SPDYE10: variants seen among roughly 807,000 people sequenced by gnomAD.
SPDYE10 encodes the protein speedy protein E10.
At chr7:73,117,576 TC>T in the SPDYE10 span, among the ~76,000 whole-genome samples, 2 of 114,638 alleles carry the variant, frequency 1.7e-5, no homozygotes, top group African/African-American at 7.5e-5. Flanking sequence ...TTTTACATTT[TC>T]TTTTTATGAC....
the SPDYE10 span, among the ~76,000 whole-genome samples, chr7:73,124,896 C>T: frequency 2.1e-5 from 3 of 143,848 alleles, no homozygotes; most frequent in South Asian, 2.2e-4. Flanking sequence ...TGCACTGCAG[C>T]CTGGGTAACA....
the SPDYE10 span, among the ~76,000 whole-genome samples, chr7:73,120,779 T>G: frequency 6.7e-6 from 1 of 148,884 alleles, no homozygotes; most frequent in Non-Finnish European, 1.5e-5. Context: ...CAGAGGGAGA[T>G]TCTGTCTCAA....
the SPDYE10 span, among the ~76,000 whole-genome samples, chr7:73,134,553 G>GAAAGAAAGAAAGAA: frequency 6.6e-6 from 1 of 152,026 alleles, no homozygotes; most frequent in Non-Finnish European, 1.5e-5. Context: ...AAGAAAGAAA[G>GAAAGAAAGAAAGAA]AAAGAAAGAA....
the SPDYE10 span, among the ~76,000 whole-genome samples, chr7:73,137,605 A>T: frequency 8.3e-6 from 1 of 120,226 alleles, no homozygotes; most frequent in East Asian, 2.4e-4. Flanking sequence ...AAAGAAAGAA[A>T]GAAAGAAAGA....
At chr7:73,141,293 C>T in the SPDYE10 span, among the ~76,000 whole-genome samples, 6 of 151,850 alleles carry the variant, frequency 4.0e-5, no homozygotes, top group South Asian at 2.1e-4. Context: ...GAGTCTGAGG[C>T]GGGCAGATCA....
At chr7:73,113,688 GT>G in the SPDYE10 span, among the ~76,000 whole-genome samples, 2 of 151,998 alleles carry the variant, frequency 1.3e-5, no homozygotes, top group African/African-American at 4.9e-5. Flanking sequence ...GAGGTCAGGA[GT>G]TTAAGAGCAG....
At chr7:73,132,494 C>A in the SPDYE10 span, among the ~76,000 whole-genome samples, 1 of 151,822 alleles carries the variant, frequency 6.6e-6, no homozygotes, top group Admixed American at 6.6e-5. Context: ...CTGCAGTGAA[C>A]TATGATCACA....
At chr7:73,114,221 G>A in the SPDYE10 span, among the ~76,000 whole-genome samples, 1 of 138,386 alleles carries the variant, frequency 7.2e-6, no homozygotes, top group African/African-American at 2.6e-5. Flanking sequence ...AAAAGAATAT[G>A]CCGCAGTGCA....
chr7:73,127,319 T>C, the SPDYE10 span, among the ~76,000 whole-genome samples: 1 of 86,810 alleles, frequency 1.2e-5, no homozygotes, highest in African/African-American at 4.6e-5. Context: ...GGGAGGCCGA[T>C]GTGGGCAGAT....
chr7:73,149,584 G>T, the SPDYE10 span, among the ~76,000 whole-genome samples: 1 of 152,184 alleles, frequency 6.6e-6, no homozygotes, highest in Admixed American at 6.5e-5. Context: ...ATTGTGCCCA[G>T]CCAACAGCTA....
the SPDYE10 span, chr7:73,154,887 GC>G: frequency 6.2e-6 from 1 of 160,658 alleles, no homozygotes; most frequent in African/African-American, 2.4e-5. Flanking sequence ...CCGCGCGCGG[GC>G]CGCGCATGCG....
At chr7:73,123,488 T>C in the SPDYE10 span, among the ~76,000 whole-genome samples, 2 of 152,236 alleles carry the variant, frequency 1.3e-5, no homozygotes, top group Non-Finnish European at 2.9e-5. Context: ...TTTTTTTAGA[T>C]GGAGTTTTGC....
At chr7:73,131,238 A>G in the SPDYE10 span, among the ~76,000 whole-genome samples, 1 of 140,672 alleles carries the variant, frequency 7.1e-6, no homozygotes, top group East Asian at 2.0e-4. Context: ...CTTGAGAGCA[A>G]GAGGCCAGAA....
the SPDYE10 span, among the ~76,000 whole-genome samples, chr7:73,150,910 ATAT>A: frequency 7.8e-4 from 7 of 8,948 alleles, no homozygotes; most frequent in Admixed American, 1.9e-3. Context: ...AAAAAAAAAT[ATAT>A]ATATATATAT....
the SPDYE10 span, among the ~76,000 whole-genome samples, chr7:73,117,396 TAG>T: frequency 1.1e-5 from 1 of 89,146 alleles, no homozygotes; most frequent in Non-Finnish European, 2.1e-5. Context: ...GTATTTTTAA[TAG>T]AGACAGGGTT....
At chr7:73,113,718 AC>A in the SPDYE10 span, among the ~76,000 whole-genome samples, 2 of 152,074 alleles carry the variant, frequency 1.3e-5, no homozygotes, top group Non-Finnish European at 2.9e-5. Context: ...ACATGGTGAA[AC>A]CGCATCTCTA....
At chr7:73,122,341 GGGAGGCCAAGACAGGCAGATCACGA>G in the SPDYE10 span, among the ~76,000 whole-genome samples, 1 of 148,328 alleles carries the variant, frequency 6.7e-6, no homozygotes, top group Non-Finnish European at 1.5e-5. Context: ...TCAACACTTT[GGGAGGCCAAGACAGGCAGATCACGA>G]GGTCAAGAGA....
chr7:73,134,455 G>A, the SPDYE10 span, among the ~76,000 whole-genome samples: 41 of 149,804 alleles, frequency 2.7e-4, no homozygotes, highest in Middle Eastern at 0.01. Flanking sequence ...CACCAGCATG[G>A]CACATGTATA....
chr7:73,149,019 C>CA, the SPDYE10 span, among the ~76,000 whole-genome samples: 1 of 151,322 alleles, frequency 6.6e-6, no homozygotes, highest in Admixed American at 6.6e-5. Flanking sequence ...CTCACTCTGT[C>CA]ACCCAGGCTG....
Sources: allele counts gnomAD v4.1 joint callset (sites outside exome capture counted in the v4.1 genomes callset), GRCh38; gene constraint gnomAD v4.1.1; transcripts MANE v1.5; gene names NCBI Gene and HGNC (gene_info 2026-07-23, HGNC 2026-07-21).